OVAAL: variants seen among roughly 807,000 people sequenced by gnomAD.
The protein encoded by OVAAL is ovarian adenocarcinoma amplified long non-coding RNA.
At chr1:180,560,047 T>A (rs1557912173) in intron 1 of OVAAL, among the ~76,000 whole-genome samples, 1 of 152,148 alleles carries the variant, frequency 6.6e-6, no homozygotes, top group Non-Finnish European at 1.5e-5. Context: ...TCCTTTAACC[T>A]TCATAATAAC....
At chr1:180,564,335 T>C (rs528599161) in intron 2 of OVAAL, among the ~76,000 whole-genome samples, 1 of 152,312 alleles carries the variant, frequency 6.6e-6, no homozygotes, top group South Asian at 2.1e-4. Context: ...AAATATTTCA[T>C]AAGACATACT....
intron 1 of OVAAL, among the ~76,000 whole-genome samples, chr1:180,559,251 G>T (rs950752599): frequency 2.0e-5 from 3 of 152,154 alleles, no homozygotes; most frequent in Non-Finnish European, 4.4e-5. Flanking sequence ...AGAAAAAGAC[G>T]GGAAAATGTG....
At chr1:180,560,253 G>A (rs909776028) in intron 1 of OVAAL, among the ~76,000 whole-genome samples, 2 of 152,140 alleles carry the variant, frequency 1.3e-5, no homozygotes, top group South Asian at 2.1e-4. Flanking sequence ...AAGAGAATGA[G>A]GGTGAGGCAC....
intron 2 of OVAAL, among the ~76,000 whole-genome samples, chr1:180,563,617 G>A (rs1203608197): frequency 6.6e-6 from 1 of 152,146 alleles, no homozygotes; most frequent in African/African-American, 2.4e-5. Flanking sequence ...TTTCGTTGAG[G>A]GTGGTTTGTC....
chr1:180,560,929 G>A (rs995289837), intron 1 of OVAAL, among the ~76,000 whole-genome samples: 1 of 152,136 alleles, frequency 6.6e-6, no homozygotes, highest in Non-Finnish European at 1.5e-5. Flanking sequence ...ACCAAAGAAC[G>A]CCACGCTTAC....
intron 2 of OVAAL, among the ~76,000 whole-genome samples, chr1:180,564,637 A>G (rs1267963721): frequency 6.6e-6 from 1 of 152,176 alleles, no homozygotes; most frequent in Non-Finnish European, 1.5e-5. Flanking sequence ...AACTAGGAAT[A>G]CGCTGGGACT....
chr1:180,559,801 G>A (rs1461906431), intron 1 of OVAAL, among the ~76,000 whole-genome samples: 1 of 151,866 alleles, frequency 6.6e-6, no homozygotes, highest in African/African-American at 2.4e-5. Context: ...AGCTACTCAG[G>A]AGGCTGAGGC....
exon 3 of OVAAL, chr1:180,566,380 T>G (rs1433343961): frequency 6.6e-6 from 1 of 152,248 alleles, no homozygotes; most frequent in African/African-American, 2.4e-5. Context: ...TTCTTTGACC[T>G]CTGTACTTCT....
intron 1 of OVAAL, among the ~76,000 whole-genome samples, chr1:180,561,295 A>G (rs1017617295): frequency 6.6e-6 from 1 of 152,212 alleles, no homozygotes; most frequent in African/African-American, 2.4e-5. Context: ...TGGCAGCCCC[A>G]GCTGCAGTTA....
intron 1 of OVAAL, among the ~76,000 whole-genome samples, chr1:180,560,420 C>A (rs1180835423): frequency 6.6e-6 from 1 of 150,964 alleles, no homozygotes; most frequent in East Asian, 1.9e-4. Context: ...GTCATAGAAC[C>A]AGGATCATAC....
At chr1:180,565,656 A>C (rs1653277242) in exon 3 of OVAAL, 1 of 152,208 alleles carries the variant, frequency 6.6e-6, no homozygotes, top group South Asian at 2.1e-4. Flanking sequence ...AATGACCAGC[A>C]CAGAGCCCTA....
rs74676870 is a variant in OVAAL at position 180,563,535 on chromosome 1, C to G, written n.513+1191C>G. Among the ~76,000 whole-genome samples, 1,273 of 152,272 alleles carry G rather than the reference C, an allele frequency of 8.4e-3. 66 individuals carry two copies. The highest frequency in any genetic ancestry group is 0.068 in the East Asian group (352 of 5,170). On this transcript the variant is annotated intron_variant and non_coding_transcript_variant, in intron 2 of 2. Coordinates refer to ENST00000673955, the Ensembl canonical transcript of OVAAL. ...ACTTAGAAGAGGTCCAAGTGGGCGA[C>G]TTGAAGGACAAGTGTGGTTTGACTT...
At chr1:180,559,511 A>C (rs1653163787) in intron 1 of OVAAL, among the ~76,000 whole-genome samples, 1 of 152,230 alleles carries the variant, frequency 6.6e-6, no homozygotes, top group Admixed American at 6.5e-5. Context: ...TCTAAGCAGC[A>C]AAGCATTCAA....
chr1:180,562,268 T>A (rs529828070), exon 2 of OVAAL: 3 of 152,098 alleles, frequency 2.0e-5, no homozygotes, highest in African/African-American at 7.2e-5. Flanking sequence ...GGGGGAGAGG[T>A]ACAGAAAGAA....
At chr1:180,565,384 C>T (rs967762477) in exon 3 of OVAAL, 1 of 152,306 alleles carries the variant, frequency 6.6e-6, no homozygotes, top group Non-Finnish European at 1.5e-5. Flanking sequence ...GAGTCCAAGC[C>T]CCAGACATTT....
At chr1:180,560,161 A>G (rs907996401) in intron 1 of OVAAL, among the ~76,000 whole-genome samples, 1 of 152,116 alleles carries the variant, frequency 6.6e-6, no homozygotes, top group African/African-American at 2.4e-5. Flanking sequence ...TCAAAATGCT[A>G]TTTTGTCTCC....
intron 2 of OVAAL, among the ~76,000 whole-genome samples, chr1:180,564,804 C>T (rs1653264160): frequency 1.3e-5 from 2 of 152,030 alleles, no homozygotes; most frequent in African/African-American, 4.8e-5. Context: ...ATTAGAATTG[C>T]CTGGGGAGCT....
At chr1:180,566,390 T>C (rs896213469) in exon 3 of OVAAL, 1 of 152,248 alleles carries the variant, frequency 6.6e-6, no homozygotes, top group Non-Finnish European at 1.5e-5. Flanking sequence ...TCTGTACTTC[T>C]AGCTTTTACC....
intron 1 of OVAAL, among the ~76,000 whole-genome samples, chr1:180,559,414 G>T (rs1653159473): frequency 6.6e-6 from 1 of 152,194 alleles, no homozygotes; most frequent in Non-Finnish European, 1.5e-5. Flanking sequence ...TTAGCAAATA[G>T]ACTGGCAGCA....
Sources: gnomAD v4.1 joint callset for allele counts (sites outside exome capture counted in the v4.1 genomes callset) on GRCh38, gnomAD v4.1.1 for gene constraint, MANE v1.5 for transcripts, NCBI Gene and HGNC (gene_info 2026-07-23, HGNC 2026-07-21) for gene names.